Variants in SLC24A3 observed in about 807,000 individuals in gnomAD.
SLC24A3 encodes solute carrier family 24 member 3.
SLC24A3 carries 28 observed loss-of-function variants against 75.8 expected under a neutral mutation model. That is an observed-to-expected ratio of 0.37 (90% CI 0.27 to 0.51). The LOEUF is 0.51. Ranked by LOEUF, SLC24A3 falls within the 20% of genes least tolerant of loss-of-function variation. The probability of loss-of-function intolerance (pLI) is 0.94; values close to 1 mark genes in which losing one functional copy is unlikely to be tolerated. For synonymous variants in SLC24A3, 372 were observed against 334.1 expected (o/e 1.11, Z -1.24); for missense variants, 663 against 847.8 (o/e 0.78, Z 2.71).
intron 6 of SLC24A3, among the ~76,000 whole-genome samples, chr20:19,601,474 T>A (rs2031526239): frequency 6.6e-6 from 1 of 152,182 alleles, no homozygotes; most frequent in Non-Finnish European, 1.5e-5. Flanking sequence ...TGTATCTGCG[T>A]CATCCCTCCT....
intron 6 of SLC24A3, among the ~76,000 whole-genome samples, chr20:19,607,046 T>A (rs973049344): frequency 1.3e-5 from 2 of 152,192 alleles, no homozygotes; most frequent in Non-Finnish European, 2.9e-5. Context: ...TAGATGTTTA[T>A]CTTCAAGGAA....
At chr20:19,388,292 A>C (rs1367831227) in intron 2 of SLC24A3, among the ~76,000 whole-genome samples, 1 of 152,102 alleles carries the variant, frequency 6.6e-6, no homozygotes, top group East Asian at 1.9e-4. Context: ...GTTGGATGTA[A>C]ATGTATTTAA....
At chr20:19,368,653 C>G (rs117618070) in intron 2 of SLC24A3, among the ~76,000 whole-genome samples, 3,442 of 152,354 alleles carry the variant, frequency 0.023, 48 homozygotes, top group Non-Finnish European at 0.034. Context: ...TGCTTCACCT[C>G]TCTCCCTGGG....
At chr20:19,670,530 G>T (rs1600331350) in intron 8 of SLC24A3, among the ~76,000 whole-genome samples, 1 of 152,170 alleles carries the variant, frequency 6.6e-6, no homozygotes, top group South Asian at 2.1e-4. Flanking sequence ...GCATACATAC[G>T]CCTGTTTATA....
chr20:19,670,928 TG>T (rs1448096193), intron 8 of SLC24A3, among the ~76,000 whole-genome samples: 2 of 152,180 alleles, frequency 1.3e-5, no homozygotes, highest in Non-Finnish European at 2.9e-5. Flanking sequence ...TTTAAATCTC[TG>T]GATAATGAGA....
chr20:19,478,162 T>C (rs1028595286), intron 2 of SLC24A3, among the ~76,000 whole-genome samples: 1 of 152,186 alleles, frequency 6.6e-6, no homozygotes, highest in Non-Finnish European at 1.5e-5. Context: ...TGACCTTGTG[T>C]CCCTGGTTCT....
At chr20:19,393,995 T>TACACA in intron 2 of SLC24A3, among the ~76,000 whole-genome samples, 1 of 152,202 alleles carries the variant, frequency 6.6e-6, no homozygotes, top group African/African-American at 2.4e-5. Flanking sequence ...AGTGTAGTAC[T>TACACA]TGTGTAAAGA....
At chr20:19,236,231 G>A (rs1231566670) in intron 1 of SLC24A3, among the ~76,000 whole-genome samples, 1 of 152,196 alleles carries the variant, frequency 6.6e-6, no homozygotes, top group African/African-American at 2.4e-5. Context: ...GGCATGTACA[G>A]TCAAAAGACT....
chr20:19,600,870 A>G lies in SLC24A3; in HGVS notation c.612+15326A>G, dbSNP rs113984194. On this transcript the variant is annotated intron_variant, in intron 6 of 16. Coordinates refer to ENST00000328041, the MANE Select transcript of SLC24A3 (RefSeq NM_020689.4). ...GTGACAGGGTCTCCCTATGTTGCTTAGGCTAGTCTCAAACTCCTGGCCTCA... is the reference window on the plus strand; with the variant it reads ...GTGACAGGGTCTCCCTATGTTGCTTGGGCTAGTCTCAAACTCCTGGCCTCA... 6.6e-3 allele frequency among the ~76,000 whole-genome samples: 1,000 copies of G among 152,198 alleles called. 14 individuals carry two copies. Among genetic ancestry groups the G allele is most frequent in the African/African-American group, 0.023 (956 of 41,530 alleles).
intron 6 of SLC24A3, among the ~76,000 whole-genome samples, chr20:19,598,155 T>G (rs1039784465): frequency 1.3e-5 from 2 of 152,276 alleles, no homozygotes; most frequent in East Asian, 3.9e-4. Context: ...ACTTTTCTAG[T>G]CAAATCCTTT....
intron 7 of SLC24A3, among the ~76,000 whole-genome samples, chr20:19,663,810 A>G (rs2032367160): frequency 3.3e-5 from 5 of 151,960 alleles, no homozygotes; most frequent in Non-Finnish European, 7.4e-5. Context: ...GTCCCTCCTA[A>G]AATTAAGCCC....
intron 9 of SLC24A3, among the ~76,000 whole-genome samples, chr20:19,678,340 ACCC>A (rs748490662): frequency 1.0e-5 from 1 of 97,594 alleles, no homozygotes; most frequent in Non-Finnish European, 2.1e-5. Context: ...CGGGGGGCTG[ACCC>A]CCCCCACCTC....
rs1055298467 is a variant in SLC24A3 at position 19,225,092 on chromosome 20, C to T, written c.142+12108C>T. 3.9e-5 allele frequency among the ~76,000 whole-genome samples: 6 copies of T among 152,146 alleles called. 1 individual carries two copies. Among genetic ancestry groups the T allele is most frequent in the Admixed American group, 2.6e-4 (4 of 15,278 alleles). On this transcript the variant is annotated intron_variant, in intron 1 of 16. Coordinates refer to ENST00000328041, the MANE Select transcript of SLC24A3 (RefSeq NM_020689.4). Reference sequence around the variant, plus strand: ...TGCATTGTTGGTTCACCACCTTCTACCTGGGTTGTAACCTCATATAACCAT... The same window carrying T: ...TGCATTGTTGGTTCACCACCTTCTATCTGGGTTGTAACCTCATATAACCAT...
At chr20:19,289,655 A>G (rs1285834320) in intron 2 of SLC24A3, among the ~76,000 whole-genome samples, 1 of 152,206 alleles carries the variant, frequency 6.6e-6, no homozygotes, top group Admixed American at 6.5e-5. Flanking sequence ...GTGATAAGCC[A>G]CATAGTGCTG....
chr20:19,518,270 A>G (rs2030034281), intron 3 of SLC24A3, among the ~76,000 whole-genome samples: 1 of 152,172 alleles, frequency 6.6e-6, no homozygotes, highest in Non-Finnish European at 1.5e-5. Flanking sequence ...TCTAGAAAGC[A>G]CTTTTTGAGC....
chr20:19,252,824 A>G (rs553958841), intron 1 of SLC24A3, among the ~76,000 whole-genome samples: 28 of 152,240 alleles, frequency 1.8e-4, no homozygotes, highest in Non-Finnish European at 4.1e-4. Context: ...AGCCTCCAGT[A>G]TGGGGGAGGG....
intron 2 of SLC24A3, among the ~76,000 whole-genome samples, chr20:19,299,816 A>G (rs1984154254): frequency 6.6e-6 from 1 of 152,180 alleles, no homozygotes; most frequent in Non-Finnish European, 1.5e-5. Context: ...AAATGGAACT[A>G]TATCCACAGG....
chr20:19,456,352 T>G (rs1013508845), intron 2 of SLC24A3, among the ~76,000 whole-genome samples: 1 of 152,162 alleles, frequency 6.6e-6, no homozygotes, highest in Non-Finnish European at 1.5e-5. Flanking sequence ...GTGGGGGCAG[T>G]TTCCCCCATA....
At chr20:19,297,981 C>G (rs1203725004) in intron 2 of SLC24A3, among the ~76,000 whole-genome samples, 1 of 152,194 alleles carries the variant, frequency 6.6e-6, no homozygotes, top group Non-Finnish European at 1.5e-5. Context: ...TCACACCTTT[C>G]AGGTGCAGCA....
Sources: gnomAD v4.1 joint callset for allele counts (sites outside exome capture counted in the v4.1 genomes callset) on GRCh38, gnomAD v4.1.1 for gene constraint, MANE v1.5 for transcripts, NCBI Gene and HGNC (gene_info 2026-07-23, HGNC 2026-07-21) for gene names.